Variants in RNF34 observed in about 807,000 individuals in gnomAD.
RNF34 encodes the protein E3 ubiquitin-protein ligase RNF34.
In RNF34, 12 loss-of-function variants were observed where a neutral mutation model predicts 37.9. The ratio of observed to expected loss-of-function variants is 0.32; its 90% CI spans 0.20 to 0.51. The LOEUF (loss-of-function observed/expected upper bound fraction) is 0.51. Among genes scored for constraint, RNF34 ranks in the 20% least tolerant of loss-of-function variants. The pLI, the probability that RNF34 is intolerant of heterozygous loss-of-function variation, is 0.97. For synonymous variants in RNF34, 155 were observed against 177.2 expected (o/e 0.87, Z 1.00); for missense variants, 362 against 472.7 (o/e 0.77, Z 2.17).
At chr12:121,415,341 C>A in intron 1 of RNF34, 1 of 370,234 alleles carries the variant, frequency 2.7e-6, no homozygotes, top group Non-Finnish European at 5.8e-6. Context: ...AATTTATGGG[C>A]CTGGCATAGT....
chr12:121,412,298 G>GGC (rs1269679765), intron 1 of RNF34, among the ~76,000 whole-genome samples: 2 of 147,200 alleles, frequency 1.4e-5, no homozygotes, highest in African/African-American at 5.1e-5. Flanking sequence ...GGAGTACAGT[G>GGC]GCGCAATCTC....
intron 1 of RNF34, among the ~76,000 whole-genome samples, chr12:121,413,428 T>C (rs1706459): frequency 0.35 from 52,373 of 148,938 alleles, 11,202 homozygotes; most frequent in Middle Eastern, 0.51. Context: ...TTTTTTTTTT[T>C]TGAGACGGAG....
chr12:121,415,173 G>C (rs559896971), intron 1 of RNF34: 2 of 200,626 alleles, frequency 1.0e-5, no homozygotes, highest in South Asian at 7.0e-5. Flanking sequence ...AATCTATTCT[G>C]GTTTGTCTAC....
chr12:121,406,982 C>T (rs542237745), intron 1 of RNF34, among the ~76,000 whole-genome samples: 45 of 152,176 alleles, frequency 3.0e-4, no homozygotes, highest in African/African-American at 4.3e-4. Context: ...TATTGAGTGA[C>T]GCTAAAGTTT....
chr12:121,419,987 A>G (rs1871970333), intron 3 of RNF34: 1 of 371,932 alleles, frequency 2.7e-6, no homozygotes, highest in Non-Finnish European at 5.1e-6. Context: ...TTCCTGAGAG[A>G]GTTAATACTC....
At chr12:121,401,234 GGA>G (rs1869962223) in intron 1 of RNF34, among the ~76,000 whole-genome samples, 1 of 151,710 alleles carries the variant, frequency 6.6e-6, no homozygotes, top group Non-Finnish European at 1.5e-5. Flanking sequence ...TAGCCAAGAG[GGA>G]GACATGGTGA....
chr12:121,407,396 A>G (rs1555280795), intron 1 of RNF34, among the ~76,000 whole-genome samples: 1 of 152,258 alleles, frequency 6.6e-6, no homozygotes, highest in Non-Finnish European at 1.5e-5. Context: ...TTCAGAAGCC[A>G]AAAGGGTATG....
At chr12:121,421,402 A>G (rs1555283382) in intron 5 of RNF34, among the ~76,000 whole-genome samples, 2 of 146,284 alleles carry the variant, frequency 1.4e-5, no homozygotes, top group Admixed American at 6.9e-5. Flanking sequence ...AAAAAAACCA[A>G]AAAAACCTGG....
chr12:121,403,110 A>C (rs1555280231), intron 1 of RNF34, among the ~76,000 whole-genome samples: 2 of 152,138 alleles, frequency 1.3e-5, no homozygotes, highest in Non-Finnish European at 2.9e-5. Context: ...TAAATAGGAT[A>C]AAGAGGCCGG....
At chr12:121,404,983 C>T (rs1870387757) in intron 1 of RNF34, 1 of 152,252 alleles carries the variant, frequency 6.6e-6, no homozygotes, top group Admixed American at 6.5e-5. Context: ...AACACCTTTC[C>T]TCTTGCTTTT....
intron 1 of RNF34, among the ~76,000 whole-genome samples, chr12:121,406,892 T>G (rs1171820403): frequency 6.6e-6 from 1 of 152,196 alleles, no homozygotes; most frequent in African/African-American, 2.4e-5. Context: ...TTAGCTATCT[T>G]CACGATTATC....
In RNF34 at chr12:121,417,638, G is replaced by A. The variant is rs782378708; in HGVS notation, c.360G>A (p.Val120=). Residue 120 remains valine (V), a synonymous_variant, in exon 3 of 6, where the codon GTG becomes GTA. Transcript: ENST00000361234. This position sits in a 1 kb window ranked among gnomAD's most constrained non-coding sequence, Gnocchi z 5.0. ...GCCCTCAGTTAATGCGACTGAAGGT[G>A]AAGGACCTGCGGCAGTATCTCATTC... ...FQRPQLMRLK[V]KDLRQYLILR... The A allele has an allele frequency of 6.2e-7, 1 of 1,614,218 alleles. No homozygotes were observed. The highest frequency in any genetic ancestry group is 1.1e-5 in the South Asian group (1 of 91,086).
At chr12:121,406,766 C>T (rs1156606986) in intron 1 of RNF34, among the ~76,000 whole-genome samples, 7 of 152,130 alleles carry the variant, frequency 4.6e-5, no homozygotes, top group Non-Finnish European at 1.0e-4. Context: ...AAATAAACTC[C>T]AAACACAGGT....
Position 121,417,674 on chromosome 12 carries a change from A to T in RNF34, c.396A>T (p.Ile132=), listed in dbSNP as rs782220675. 1 of 1,614,172 alleles carries T rather than the reference A, an allele frequency of 6.2e-7. No individual in the cohort carries two copies. Among genetic ancestry groups the T allele is most frequent in the Non-Finnish European group, 8.5e-7 (1 of 1,180,036 alleles). The change falls in exon 3 of 6, where the codon ATA becomes ATT. Residue 132 remains isoleucine (I), a synonymous_variant. Transcript: ENST00000361234. The surrounding 1 kb of genome is among the most constrained non-coding windows in gnomAD (Gnocchi z 5.0). ...DLRQYLILRN[I]PIDTCREKED... is the part of the protein sequence containing the mutation. ...GGCAGTATCTCATTCTGAGAAATAT[A>T]CCCATAGATACTTGTCGTGAGAAAG...
At chr12:121,415,396 AGAT>A (rs1325442024) in intron 1 of RNF34, 2 of 261,198 alleles carry the variant, frequency 7.7e-6, no homozygotes, top group African/African-American at 4.4e-5. Context: ...CAAGGTAGGC[AGAT>A]CACTTGAGGC....
intron 1 of RNF34, among the ~76,000 whole-genome samples, chr12:121,400,470 T>C (rs556230423): frequency 6.6e-5 from 10 of 152,252 alleles, no homozygotes; most frequent in African/African-American, 2.4e-4. Context: ...GTCCCTAGCG[T>C]TCGCGCCGGG....
chr12:121,407,073 C>T (rs1555280759), intron 1 of RNF34, among the ~76,000 whole-genome samples: 1 of 152,108 alleles, frequency 6.6e-6, no homozygotes, highest in Non-Finnish European at 1.5e-5. Flanking sequence ...TTTCCTCCCT[C>T]CTTCCCCCTC....
At chr12:121,416,444 A>C (rs1203232223) in intron 2 of RNF34, 67 bp downstream of exon 2, 1 of 1,050,570 alleles carries the variant, frequency 9.5e-7, no homozygotes, top group Non-Finnish European at 1.5e-6. Context: ...GGTTATTTTG[A>C]ATAGCTATTG....
intron 5 of RNF34, among the ~76,000 whole-genome samples, chr12:121,422,850 CAG>C (rs1872282561): frequency 6.6e-6 from 1 of 152,194 alleles, no homozygotes; most frequent in South Asian, 2.1e-4. Flanking sequence ...GCCAGGAACA[CAG>C]ATGGCTTGAG....
Sources: allele counts gnomAD v4.1 joint callset (sites outside exome capture counted in the v4.1 genomes callset), GRCh38; gene constraint gnomAD v4.1.1; non-coding constraint Gnocchi (gnomAD v3.1); transcripts MANE v1.5; gene names NCBI Gene and HGNC (gene_info 2026-07-23, HGNC 2026-07-21).